Variants in ELAVL2 observed in about 807,000 individuals in gnomAD.
ELAVL2 encodes ELAV like RNA binding protein 2.
Under a neutral mutation model 34.6 loss-of-function variants are expected in ELAVL2, and 4 were observed. The observed-to-expected ratio is 0.12, with a 90% CI of 0.06 to 0.26. ELAVL2 has a LOEUF of 0.26. ELAVL2 is among the 10% of genes least tolerant of loss of function. ELAVL2 has a pLI of 1.00. For synonymous variants in ELAVL2, 193 were observed against 154.8 expected (o/e 1.25, Z -1.83); for missense variants, 432 against 442.8 (o/e 0.98, Z 0.22).
At chr9:23,738,018 C>T (rs2048302248) in intron 2 of ELAVL2, among the ~76,000 whole-genome samples, 1 of 152,148 alleles carries the variant, frequency 6.6e-6, no homozygotes, top group African/African-American at 2.4e-5. Flanking sequence ...TCCTGATATC[C>T]TTCTCTCTCC....
chr9:23,797,478 T>C (rs925510107), intron 1 of ELAVL2, among the ~76,000 whole-genome samples: 31 of 152,278 alleles, frequency 2.0e-4, no homozygotes, highest in African/African-American at 7.0e-4. Flanking sequence ...AAAGGCCAGC[T>C]ATTGGGAATT....
chr9:23,750,310 T>TA (rs1216813771), intron 2 of ELAVL2, among the ~76,000 whole-genome samples: 6 of 152,010 alleles, frequency 3.9e-5, no homozygotes, highest in Admixed American at 2.6e-4. Context: ...TTCCAGCACT[T>TA]AAAAAAATAC....
rs774384105 is a variant in ELAVL2 at position 23,704,964 on chromosome 9, T to G, written c.441A>C (p.Gln147His). The G allele has an allele frequency of 2.9e-5, 46 of 1,614,012 alleles. No individual in the cohort carries two copies. In the African/African-American group the frequency reaches 4.9e-4, roughly 17 times the overall value. Residue 147 changes from glutamine to histidine, a missense_variant, in exon 4 of 7, where the codon CAA becomes CAC. By Grantham distance (24) the Gln-to-His change is conservative. Coordinates refer to ENST00000397312, the MANE Select transcript of ELAVL2 (RefSeq NM_004432.5). ...TACGAGAAGTAATAATGCGTCCATA[T>G]TGTGAAAAAAGCTGTTCCAACTCCT... ...TQKELEQLFSQYGRIITSRIL... is the reference protein window; with the variant it reads ...TQKELEQLFSHYGRIITSRIL...
chr9:23,780,286 CAG>C (rs1216811038), intron 1 of ELAVL2, among the ~76,000 whole-genome samples: 1 of 152,026 alleles, frequency 6.6e-6, no homozygotes, highest in Non-Finnish European at 1.5e-5. Flanking sequence ...AGTCTAACAA[CAG>C]AGAATTTTCT....
intron 2 of ELAVL2, among the ~76,000 whole-genome samples, chr9:23,754,526 T>C (rs1273081835): frequency 6.6e-6 from 1 of 152,032 alleles, no homozygotes; most frequent in African/African-American, 2.4e-5. Context: ...TGGCACGATC[T>C]CAGTTCACTG....
chr9:23,692,019 C>A lies in ELAVL2; in HGVS notation c.*538G>T, dbSNP rs1482311815. 1 of 152,902 alleles carries A rather than the reference C, an allele frequency of 6.5e-6. No homozygotes were observed. Among genetic ancestry groups the A allele is most frequent in the Non-Finnish European group, 1.5e-5 (1 of 68,352 alleles). The allele number at this position is 152,902 out of a possible 1,614,324, so 9.5% of individuals were successfully genotyped here. Reference sequence around the variant, plus strand: ...TATAATGTAGCCCCCCCTTCCCCAACCCAAATCATAATTACAAAATAAATA... The same window carrying A: ...TATAATGTAGCCCCCCCTTCCCCAAACCAAATCATAATTACAAAATAAATA... On this transcript the variant is annotated 3_prime_UTR_variant, in exon 7 of 7. Coordinates refer to ENST00000397312, the MANE Select transcript of ELAVL2 (RefSeq NM_004432.5).
intron 1 of ELAVL2, among the ~76,000 whole-genome samples, chr9:23,789,760 A>G (rs925335379): frequency 7.9e-5 from 12 of 152,212 alleles, no homozygotes; most frequent in African/African-American, 2.4e-4. Context: ...AAAAGTAAAT[A>G]AACATTCTTA....
chr9:23,801,207 A>G (rs1318879860), intron 1 of ELAVL2, among the ~76,000 whole-genome samples: 1 of 152,232 alleles, frequency 6.6e-6, no homozygotes. Flanking sequence ...TTAAGAGCCT[A>G]GAACAAAATA....
rs150654328 is a variant in ELAVL2 at position 23,738,885 on chromosome 9, G to A, written c.230-7760C>T. Among the ~76,000 whole-genome samples the A allele has an allele frequency of 2.8e-3, 420 of 152,156 alleles. 3 individuals carry two copies. Among genetic ancestry groups the A allele is most frequent in the African/African-American group, 9.7e-3 (404 of 41,498 alleles). ...TATCTGTCCCCTGATTATGCAACTG[G>A]TAGAGCTCTATTTTCCTGTAGTTCC... On this transcript the variant is annotated intron_variant, in intron 2 of 6. Coordinates refer to ENST00000397312, the MANE Select transcript of ELAVL2 (RefSeq NM_004432.5).
intron 2 of ELAVL2, among the ~76,000 whole-genome samples, chr9:23,747,427 G>A (rs975131338): frequency 1.3e-5 from 2 of 152,128 alleles, no homozygotes; most frequent in South Asian, 2.1e-4. Flanking sequence ...GAGGACTACG[G>A]TATTTCATGG....
At chr9:23,769,075 A>T (rs1309853748) in intron 1 of ELAVL2, among the ~76,000 whole-genome samples, 1 of 152,150 alleles carries the variant, frequency 6.6e-6, no homozygotes, top group Non-Finnish European at 1.5e-5. Flanking sequence ...CAAACACAGC[A>T]CACCAGGACA....
intron 3 of ELAVL2, among the ~76,000 whole-genome samples, chr9:23,709,837 G>A (rs915641763): frequency 6.6e-6 from 1 of 152,204 alleles, no homozygotes; most frequent in African/African-American, 2.4e-5. Flanking sequence ...TTAAGAGGCA[G>A]CCAGAGAGTC....
At chr9:23,761,483 C>T (rs2054988177) in intron 2 of ELAVL2, among the ~76,000 whole-genome samples, 1 of 152,002 alleles carries the variant, frequency 6.6e-6, no homozygotes, top group Admixed American at 6.6e-5. Context: ...CATGTCCTTT[C>T]CTTGTTAAGG....
chr9:23,842,631 A>G, the ELAVL2 span, among the ~76,000 whole-genome samples: 7 of 152,252 alleles, frequency 4.6e-5, no homozygotes, highest in African/African-American at 1.7e-4. Context: ...CTTAGTGGAT[A>G]CTAAATAGCT....
At chr9:23,765,240 C>T (rs1459864812) in intron 1 of ELAVL2, 4 of 670,772 alleles carry the variant, frequency 6.0e-6, no homozygotes, top group African/African-American at 1.9e-5. Flanking sequence ...GAGGCAATTC[C>T]AATCTAATCT....
In ELAVL2 at chr9:23,740,734, A is replaced by G. The variant is rs117130870; in HGVS notation, c.230-9609T>C. ...CCCCCAAAACAAATCCATCATTACA[A>G]AACAGATAGATGAGAGGTATCTGCA... is the stretch of plus-strand genomic sequence containing the variant. On this transcript the variant is annotated intron_variant, in intron 2 of 6. Transcript: ENST00000397312. Among the ~76,000 whole-genome samples, 186 of 152,330 alleles carry G rather than the reference A, an allele frequency of 1.2e-3. 4 individuals are homozygous for G. The East Asian group carries it at 0.026, about 21-fold the overall frequency.
chr9:23,829,270 AT>A (rs1177809474), upstream of ELAVL2, among the ~76,000 whole-genome samples: 1 of 152,198 alleles, frequency 6.6e-6, no homozygotes, highest in Non-Finnish European at 1.5e-5. Context: ...GAATTTAATT[AT>A]TTTACTGAAG....
rs1484611070 is a variant in ELAVL2 at position 23,705,085 on chromosome 9, ATAAAAT to A, written c.334-20_334-15del. The A allele has an allele frequency of 6.2e-7, 1 of 1,613,824 alleles. No individual in the cohort carries two copies. Among genetic ancestry groups the A allele is most frequent in the Non-Finnish European group, 8.5e-7 (1 of 1,179,968 alleles). On this transcript the variant is annotated splice_polypyrimidine_tract_variant and intron_variant, in intron 3 of 6. Coordinates refer to ENST00000397312, the MANE Select transcript of ELAVL2 (RefSeq NM_004432.5). ...AGCATAGGAAACCTGGAAAAGGAAA[ATAAAAT>A]TAAATGTATATGCATGCTCACTCAC...
At chr9:23,746,388 T>C (rs2050485177) in intron 2 of ELAVL2, among the ~76,000 whole-genome samples, 1 of 152,144 alleles carries the variant, frequency 6.6e-6, no homozygotes. Flanking sequence ...AGTTCTAGAT[T>C]GTACACTGAC....
Sources: gnomAD v4.1 joint callset for allele counts (sites outside exome capture counted in the v4.1 genomes callset) on GRCh38, gnomAD v4.1.1 for gene constraint, MANE v1.5 for transcripts, NCBI Gene and HGNC (gene_info 2026-07-23, HGNC 2026-07-21) for gene names.